The following GLT1D1 variants were observed in gnomAD, a reference collection of about 807,000 sequenced individuals.
GLT1D1 encodes glycosyltransferase 1 domain-containing protein 1.
Under a neutral mutation model 28.7 loss-of-function variants are expected in GLT1D1, and 21 were observed. The observed-to-expected ratio is 0.73, with a 90% confidence interval of 0.52 to 1.05. The LOEUF is 1.05. GLT1D1 is among the 50% of genes least tolerant of loss of function. GLT1D1 has a pLI of 0.00. For missense variants in GLT1D1, 343 were observed against 330.6 expected (o/e 1.04, Z -0.29); for synonymous variants, 147 against 124.8 (o/e 1.18, Z -1.19).
At chr12:128,948,488 G>T (rs990457676) in intron 6 of GLT1D1, among the ~76,000 whole-genome samples, 11 of 152,068 alleles carry the variant, frequency 7.2e-5, no homozygotes, top group African/African-American at 2.2e-4. Context: ...CACTGCACAC[G>T]ACAGACATGG....
chr12:128,877,544 T>A (rs1053243408), intron 2 of GLT1D1, among the ~76,000 whole-genome samples: 11 of 152,196 alleles, frequency 7.2e-5, no homozygotes, highest in African/African-American at 2.7e-4. Flanking sequence ...TTCTTTTTTA[T>A]TTTTTCAGGT....
chr12:128,911,691 T>C (rs1039003894), intron 4 of GLT1D1, among the ~76,000 whole-genome samples: 1 of 152,244 alleles, frequency 6.6e-6, no homozygotes, highest in Non-Finnish European at 1.5e-5. Context: ...TTAAAAATAT[T>C]CCTGCCACTG....
chr12:128,868,716 C>T (rs1488400996), intron 1 of GLT1D1, among the ~76,000 whole-genome samples: 1 of 152,166 alleles, frequency 6.6e-6, no homozygotes, highest in South Asian at 2.1e-4. Flanking sequence ...TGACCTTGCA[C>T]TCTCGCCTAG....
At chr12:128,969,530 T>C (rs1878824677) in intron 7 of GLT1D1, among the ~76,000 whole-genome samples, 1 of 152,096 alleles carries the variant, frequency 6.6e-6, no homozygotes, top group Admixed American at 6.5e-5. Flanking sequence ...GAGTGTGCAC[T>C]GAGCTGCTGC....
chr12:128,973,289 TCTC>T (rs759682475), intron 7 of GLT1D1, among the ~76,000 whole-genome samples: 18 of 145,208 alleles, frequency 1.2e-4, no homozygotes, highest in Middle Eastern at 3.5e-3. Context: ...TTCAAGCAAT[TCTC>T]CTGCCTCAGC....
Position 128,863,174 on chromosome 12 carries a change from G to A in GLT1D1, c.68+9525G>A, listed in dbSNP as rs538028600. 5.3e-4 allele frequency among the ~76,000 whole-genome samples: 81 copies of A among 152,182 alleles called. 1 individual carries two copies. In the South Asian group the frequency reaches 9.2e-3, roughly 17 times the overall value. ...TTTATGCTTAGGTTCAACAAGGTAC[G>A]GACAGCCACATGGGAATAGGATGGG... On this transcript the variant is annotated intron_variant, in intron 1 of 7. Transcript: ENST00000281703.
intron 1 of GLT1D1, among the ~76,000 whole-genome samples, chr12:128,854,311 C>G (rs949944707): frequency 3.9e-5 from 6 of 152,168 alleles, no homozygotes; most frequent in Non-Finnish European, 8.8e-5. Context: ...AGCGGGCGCT[C>G]GGCCTGTATT....
chr12:128,973,942 T>TAGGGG (rs1879510720), intron 7 of GLT1D1, among the ~76,000 whole-genome samples: 1 of 57,334 alleles, frequency 1.7e-5, no homozygotes, highest in Non-Finnish European at 4.1e-5. Flanking sequence ...GTGTAGGGTG[T>TAGGGG]GTGTGTGTGG....
At chr12:128,927,272 T>A in intron 4 of GLT1D1, 118 bp downstream of exon 8, 1 of 802,874 alleles carries the variant, frequency 1.2e-6, no homozygotes, top group Admixed American at 2.2e-5. Context: ...GGAGTCTTGC[T>A]CTGTCCCCCA....
At chr12:128,871,436 A>G (rs1956686891) in intron 1 of GLT1D1, among the ~76,000 whole-genome samples, 1 of 152,220 alleles carries the variant, frequency 6.6e-6, no homozygotes, top group African/African-American at 2.4e-5. Context: ...TGGTAGGCTC[A>G]AGATACACGA....
rs1368012620 is a variant in GLT1D1, at chr12:128,931,917, G to GCACGCACACA, written c.376-13406_376-13405insGCACACACAC. On this transcript the variant is annotated intron_variant, in intron 4 of 7. Coordinates refer to ENST00000281703, the MANE Select transcript of GLT1D1 (RefSeq NM_144669.3). The stretch of plus-strand genomic sequence containing the variant: ...TGAGGATATGTGCACACACACGCAC[G>GCACGCACACA]CACACACACACACACACACACACAA... Among the ~76,000 whole-genome samples, 584 of 141,104 alleles carry GCACGCACACA rather than the reference G, an allele frequency of 4.1e-3. 4 individuals are homozygous for GCACGCACACA. Among genetic ancestry groups the GCACGCACACA allele is most frequent in the African/African-American group, 0.014 (538 of 38,792 alleles). The allele number at this position is 141,104 out of a possible 152,430, so 92.6% of individuals were successfully genotyped here. A position where few individuals can be genotyped will look rare whatever the true frequency, so the allele number is the denominator to read the frequency against.
intron 4 of GLT1D1, among the ~76,000 whole-genome samples, chr12:128,908,323 C>CTTCTTTCTTTCTTTCCTTTCTTTCT (rs1871101413): frequency 1.2e-4 from 18 of 147,554 alleles, no homozygotes; most frequent in African/African-American, 4.3e-4. Flanking sequence ...TTTTACTTTC[C>CTTCTTTCTTTCTTTCCTTTCTTTCT]TTCTTTCTTT....
chr12:128,882,912 A>C (rs1957090534), intron 2 of GLT1D1, among the ~76,000 whole-genome samples: 1 of 150,106 alleles, frequency 6.7e-6, no homozygotes, highest in Non-Finnish European at 1.5e-5. Flanking sequence ...TTATTTATTT[A>C]TTTATTTATT....
chr12:128,958,748 CAAAAAAAAAAAAAAAAAAAA>C (rs71072431), intron 7 of GLT1D1, among the ~76,000 whole-genome samples: 1 of 42,666 alleles, frequency 2.3e-5, no homozygotes, highest in Non-Finnish European at 3.8e-5. Context: ...GACTCTGCCT[CAAAAAAAAAAAAAAAAAAAA>C]AAAAAAAAAG....
At chr12:128,921,131 A>G (rs576129489) in intron 4 of GLT1D1, among the ~76,000 whole-genome samples, 2 of 151,766 alleles carry the variant, frequency 1.3e-5, no homozygotes, top group Non-Finnish European at 2.9e-5. Context: ...TTGGTGAATG[A>G]TATTTTGGTA....
chr12:128,926,252 G>A (rs1873210552), intron 4 of GLT1D1, 107 bp from the exon 7 acceptor site: 1 of 388,788 alleles, frequency 2.6e-6, no homozygotes, highest in Non-Finnish European at 4.5e-6. Context: ...AGGAGAAGCT[G>A]GCCTCGAAGT....
rs373707072 is a variant in GLT1D1 at position 128,929,837 on chromosome 12, A to G, written c.376-15489A>G. On this transcript the variant is annotated intron_variant, in intron 4 of 7. Coordinates refer to ENST00000281703, the MANE Select transcript of GLT1D1 (RefSeq NM_144669.3). ...TTAAAAATATAAAAATTAGCCAGGCATGGTGGCCTGCACCTGTAATCCCAG... is the reference window on the plus strand; with the variant it reads ...TTAAAAATATAAAAATTAGCCAGGCGTGGTGGCCTGCACCTGTAATCCCAG... 7.0e-4 allele frequency among the ~76,000 whole-genome samples: 107 copies of G among 152,284 alleles called. 2 individuals carry two copies. The highest frequency in any genetic ancestry group is 6.4e-3 in the South Asian group (31 of 4,824).
intron 4 of GLT1D1, among the ~76,000 whole-genome samples, chr12:128,917,381 T>C (rs1872209120): frequency 1.3e-5 from 2 of 152,212 alleles, no homozygotes; most frequent in Non-Finnish European, 2.9e-5. Context: ...CTTCAAGCGA[T>C]TCTCCTGCCT....
At chr12:128,886,486 C>T (rs145369659) in intron 2 of GLT1D1, among the ~76,000 whole-genome samples, 158 of 152,270 alleles carry the variant, frequency 1.0e-3, no homozygotes, top group African/African-American at 3.6e-3. Flanking sequence ...AAGCGGATCT[C>T]CCAGGCTGAA....
Sources: allele counts gnomAD v4.1 joint callset (sites outside exome capture counted in the v4.1 genomes callset), GRCh38; gene constraint gnomAD v4.1.1; transcripts MANE v1.5; gene names NCBI Gene and HGNC (gene_info 2026-07-23, HGNC 2026-07-21).